The following KIF9 variants were observed in gnomAD, a reference collection of about 807,000 sequenced individuals.
KIF9 encodes kinesin family member 9.
A neutral mutation model predicts 94.8 loss-of-function variants in KIF9; 68 were observed. The observed-to-expected ratio is 0.72, with a 90% CI of 0.59 to 0.88. The LOEUF (loss-of-function observed/expected upper bound fraction) is 0.88, where lower values mean the gene tolerates loss of function less well. KIF9 is among the 40% of genes least tolerant of loss of function. The probability of loss-of-function intolerance (pLI) is 0.00; values close to 1 mark genes in which losing one functional copy is unlikely to be tolerated. For missense variants in KIF9, 882 were observed against 982.5 expected, an observed-to-expected ratio of 0.90 and a Z score of 1.37; for synonymous variants, 343 against 362.1, an observed-to-expected ratio of 0.95 and a Z score of 0.60.
At chr3:47,273,075 G>A (rs572942096) in intron 4 of KIF9, among the ~76,000 whole-genome samples, 26 of 152,226 alleles carry the variant, frequency 1.7e-4, no homozygotes, top group East Asian at 3.9e-4. Flanking sequence ...GAGACCCCCC[G>A]GGCTGACACA....
intron 5 of KIF9, among the ~76,000 whole-genome samples, chr3:47,269,454 G>C (rs1192967372): frequency 6.6e-6 from 1 of 151,944 alleles, no homozygotes; most frequent in Non-Finnish European, 1.5e-5. Flanking sequence ...GCTAATTTTT[G>C]TATTTTTGGT....
At chr3:47,282,383 C>A (rs1415371676) in intron 1 of KIF9, 112 bp downstream of exon 1, 1 of 986,252 alleles carries the variant, frequency 1.0e-6, no homozygotes, top group Non-Finnish European at 1.2e-6. Context: ...ATGAGCGACC[C>A]AGCTGGGAAC....
chr3:47,231,489 C>A (rs1386278931), intron 20 of KIF9, among the ~76,000 whole-genome samples: 1 of 144,072 alleles, frequency 6.9e-6, no homozygotes, highest in Non-Finnish European at 1.5e-5. Context: ...TGGCTCACTG[C>A]AACCTCCACC....
chr3:47,265,824 G>A lies in KIF9; in HGVS notation c.822C>T (p.Phe274=). The A allele has an allele frequency of 6.2e-7, 1 of 1,614,178 alleles. No individual in the cohort carries two copies. The highest frequency in any genetic ancestry group is 2.2e-5 in the East Asian group (1 of 44,888). Residue 274 remains phenylalanine, a synonymous_variant, in exon 8 of 21, where the codon TTC becomes TTT. Transcript: ENST00000684063. The part of the protein sequence containing the change: ...EATYINKSLS[F]LEQAIIALGD... ...CAAGGGCAATGATGGCCTGCTCCAG[G>A]AATGAGAGCGATTTGTTGATGTAGG...
In KIF9 at chr3:47,230,732, T is replaced by TG. The variant is rs947891367; in HGVS notation, c.2323-2031dup. ...GGTGACAGAGGAAGACTCCATCTTG[T>TG]GGGGGAAAAAAAAAGAAGTTACCCA... is the stretch of plus-strand genomic sequence containing the variant. On this transcript the variant is annotated intron_variant, in intron 20 of 20. Coordinates refer to ENST00000684063, the MANE Select transcript of KIF9 (RefSeq NM_182902.4). Among the ~76,000 whole-genome samples the TG allele has an allele frequency of 4.0e-5, 6 of 148,346 alleles. No homozygotes were observed. The East Asian group carries it at 1.0e-3, about 25-fold the overall frequency.
At position 47,282,699 on chromosome 3, in the gene KIF9, G is replaced by A. The variant is rs1362154699; in HGVS notation, c.-210C>T. The A allele has an allele frequency of 1.2e-5, 16 of 1,361,160 alleles. No individual in the cohort carries two copies. The highest frequency in any genetic ancestry group is 3.1e-5 in the Admixed American group (1 of 31,974). The allele number at this position is 1,361,160 out of a possible 1,614,324, so 84.3% of individuals were successfully genotyped here. On this transcript the variant is annotated 5_prime_UTR_variant, in exon 1 of 21. Transcript: ENST00000684063. ...GAGGTCATGGCCGAATCGGGAAGAC[G>A]AGAGATGGGGCCGATTGATCTAGAA...
chr3:47,236,567 C>T lies in KIF9; in HGVS notation c.1977G>A (p.Leu659=). ...TCTTGAGGTCTTTGAGCTTGAGGATCAGCAGGAATTCTTCCTCATCGATGA... is the reference window on the plus strand; with the variant it reads ...TCTTGAGGTCTTTGAGCTTGAGGATTAGCAGGAATTCTTCCTCATCGATGA... ...LMIIDEEEFL[L]ILKLKDLKKQ... Residue 659 remains leucine, a synonymous_variant, in exon 18 of 21, where the codon CTG becomes CTA. Transcript: ENST00000684063. 1 of 1,614,074 alleles carries T rather than the reference C, an allele frequency of 6.2e-7. No individual in the cohort carries two copies. The highest frequency in any genetic ancestry group is 1.1e-5 in the South Asian group (1 of 91,082).
At position 47,247,447 on chromosome 3, in the gene KIF9, T is replaced by C. The variant is rs773461816; in HGVS notation, c.1159A>G (p.Met387Val). The change falls in exon 12 of 21, where the codon ATG (methionine) becomes GTG (valine). Residue 387 changes from methionine to valine, a missense_variant. Physicochemically the swap from Met to Val is conservative, Grantham distance 21 (BLOSUM62 1). Coordinates refer to ENST00000684063, the MANE Select transcript of KIF9 (RefSeq NM_182902.4). ...ATCTCAGCAATCTGGATTTCATCCA[T>C]GGGGTCATAGGTCACAAAGGTGCGG... is the stretch of plus-strand genomic sequence containing the variant. ...TNRTFVTYDPMDEIQIAEINS... is the reference protein window; with the variant it reads ...TNRTFVTYDPVDEIQIAEINS... 1 of 1,613,830 alleles carries C rather than the reference T, an allele frequency of 6.2e-7. No individual in the cohort carries two copies. Among genetic ancestry groups the C allele is most frequent in the South Asian group, 1.1e-5 (1 of 91,070 alleles).
intron 1 of KIF9, among the ~76,000 whole-genome samples, chr3:47,277,824 T>C (rs965104318): frequency 1.3e-5 from 2 of 152,166 alleles, no homozygotes; most frequent in African/African-American, 4.8e-5. Flanking sequence ...AGATACAGCA[T>C]CCTCTTCTCC....
chr3:47,271,206 G>A, intron 5 of KIF9, 31 bp downstream of exon 5: 1 of 1,492,176 alleles, frequency 6.7e-7, no homozygotes, highest in Non-Finnish European at 9.3e-7. Context: ...AGGGAGAGAA[G>A]GAAAGGAACC....
intron 7 of KIF9, 61 bp downstream of exon 7, chr3:47,266,915 A>G (rs1050554076): frequency 1.8e-5 from 21 of 1,173,576 alleles, no homozygotes; most frequent in Non-Finnish European, 2.7e-5. Context: ...ATGTGCAGGC[A>G]CTGTGCCAGA....
intron 5 of KIF9, among the ~76,000 whole-genome samples, chr3:47,270,158 C>T (rs1217873358): frequency 2.0e-5 from 3 of 152,122 alleles, no homozygotes; most frequent in African/African-American, 4.8e-5. Context: ...CCCACCTCAG[C>T]CTCTCAAAGT....
Position 47,282,586 on chromosome 3 carries a change from T to C in KIF9, c.-97A>G. On this transcript the variant is annotated 5_prime_UTR_variant, in exon 1 of 21. Coordinates refer to ENST00000684063, the MANE Select transcript of KIF9 (RefSeq NM_182902.4). ...CGGGGCTGCCTGGCTGTGTACATAG[T>C]CGCCATGGCAACGGGTCGCTTCCGG... is the stretch of plus-strand genomic sequence containing the variant. 1 of 1,086,132 alleles carries C rather than the reference T, an allele frequency of 9.2e-7. No homozygotes were observed. Among genetic ancestry groups the C allele is most frequent in the Non-Finnish European group, 1.1e-6 (1 of 888,872 alleles). The allele number at this position is 1,086,132 out of a possible 1,614,324, so 67.3% of individuals were successfully genotyped here. A position where few individuals can be genotyped will look rare whatever the true frequency, so the allele number is the denominator to read the frequency against.
chr3:47,276,575 GAAAA>G (rs1701986069), intron 2 of KIF9, among the ~76,000 whole-genome samples: 1 of 144,516 alleles, frequency 6.9e-6, no homozygotes, highest in African/African-American at 2.5e-5. Flanking sequence ...AAAAAAAAAA[GAAAA>G]GAAAGAAAGA....
chr3:47,269,692 C>T (rs576436405), intron 5 of KIF9, among the ~76,000 whole-genome samples: 1 of 152,092 alleles, frequency 6.6e-6, no homozygotes, highest in East Asian at 1.9e-4. Context: ...GCCTCTGCCT[C>T]CTGGGTTCAA....
In KIF9 at chr3:47,265,852, G is replaced by A; in HGVS notation, c.794C>T (p.Ala265Val). The A allele has an allele frequency of 3.1e-6, 5 of 1,614,152 alleles. No individual in the cohort carries two copies. Among genetic ancestry groups the A allele is most frequent in the Non-Finnish European group, 4.2e-6 (5 of 1,180,032 alleles). The change falls in exon 8 of 21, where the codon GCC becomes GTC. Residue 265 changes from alanine to valine, a missense_variant. Ala to Val is a moderately conservative substitution (Grantham distance 64). Coordinates refer to ENST00000684063, the MANE Select transcript of KIF9 (RefSeq NM_182902.4). ...TGAGAGCGATTTGTTGATGTAGGTG[G>A]CTTCCTTCAGGACTTGGCCCTCAGA... ...SGSEGQVLKEATYINKSLSFL... is the reference protein window; with the variant it reads ...SGSEGQVLKEVTYINKSLSFL...
chr3:47,228,457 C>A lies in KIF9; in HGVS notation c.*195G>T. 4.7e-6 allele frequency: 3 copies of A among 633,860 alleles called. No individual in the cohort carries two copies. The highest frequency in any genetic ancestry group is 8.6e-6 in the Non-Finnish European group (3 of 349,418). 39.3% of individuals were successfully genotyped at this position (633,860 alleles called of 1,614,324 possible). Reference sequence around the variant, plus strand: ...TGCATATAAGACAGTGAATTAAAACCCAAAGTGCTCTGTGGAGATGAGCAA... The same window carrying A: ...TGCATATAAGACAGTGAATTAAAACACAAAGTGCTCTGTGGAGATGAGCAA... On this transcript the variant is annotated 3_prime_UTR_variant, in exon 21 of 21. Coordinates refer to ENST00000684063, the MANE Select transcript of KIF9 (RefSeq NM_182902.4).
intron 10 of KIF9, among the ~76,000 whole-genome samples, chr3:47,254,486 C>G (rs1225380038): frequency 6.6e-6 from 1 of 152,008 alleles, no homozygotes; most frequent in Non-Finnish European, 1.5e-5. Flanking sequence ...TAGCATGTGC[C>G]TGTAATCCCA....
At chr3:47,241,733 ATG>A (rs950309342) in intron 16 of KIF9, among the ~76,000 whole-genome samples, 23 of 148,044 alleles carry the variant, frequency 1.6e-4, no homozygotes, top group East Asian at 3.9e-4. Flanking sequence ...CATTTTATAT[ATG>A]TGTGTGTATA....
Sources: allele counts gnomAD v4.1 joint callset (sites outside exome capture counted in the v4.1 genomes callset), GRCh38; gene constraint gnomAD v4.1.1; transcripts MANE v1.5; gene names NCBI Gene and HGNC (gene_info 2026-07-23, HGNC 2026-07-21).